Variants in LAMA2 observed in about 807,000 individuals in gnomAD.
The protein encoded by LAMA2 is laminin subunit alpha 2.
A neutral mutation model predicts 364.8 loss-of-function variants in LAMA2; 269 were observed. The observed-to-expected ratio is 0.74, with a 90% CI of 0.67 to 0.82. The LOEUF (loss-of-function observed/expected upper bound fraction) is 0.82. Among genes scored for constraint, LAMA2 ranks in the 40% least tolerant of loss-of-function variants. The pLI, the probability that LAMA2 is intolerant of heterozygous loss-of-function variation, is 0.00. For synonymous variants in LAMA2, 1,379 were observed against 1,370.6 expected, an observed-to-expected ratio of 1.01 and a Z score of -0.14; for missense variants, 3,807 against 3,873.2, an observed-to-expected ratio of 0.98 and a Z score of 0.45.
chr6:128,909,770 T>G (rs1402607601), intron 1 of LAMA2, among the ~76,000 whole-genome samples: 7 of 151,744 alleles, frequency 4.6e-5, no homozygotes, highest in Middle Eastern at 3.4e-3. Flanking sequence ...TGCAGTGGCT[T>G]GTACTGGTTG....
At chr6:129,078,881 G>C (rs1368543433) in intron 3 of LAMA2, among the ~76,000 whole-genome samples, 1 of 152,086 alleles carries the variant, frequency 6.6e-6, no homozygotes, top group African/African-American at 2.4e-5. Context: ...CATATAAGTG[G>C]AACCACACAG....
chr6:128,943,702 C>A (rs867432124), intron 1 of LAMA2, among the ~76,000 whole-genome samples: 4 of 152,208 alleles, frequency 2.6e-5, no homozygotes, highest in African/African-American at 9.6e-5. Context: ...AAAAAGAAAT[C>A]ATCAAATGCT....
At chr6:129,165,869 A>G (rs1779715456) in intron 9 of LAMA2, among the ~76,000 whole-genome samples, 194 bp downstream of exon 9, 1 of 152,228 alleles carries the variant, frequency 6.6e-6, no homozygotes, top group African/African-American at 2.4e-5. Flanking sequence ...ATGTTTAATT[A>G]TAATGTTTTC....
intron 42 of LAMA2, among the ~76,000 whole-genome samples, chr6:129,440,361 A>G (rs576816514): frequency 3.8e-4 from 57 of 150,596 alleles, no homozygotes; most frequent in African/African-American, 1.4e-3. Context: ...GCTGAAAACA[A>G]GTATAAATGC....
At chr6:129,324,465 A>C (rs1225491556) in intron 28 of LAMA2, among the ~76,000 whole-genome samples, 1 of 152,222 alleles carries the variant, frequency 6.6e-6, no homozygotes. Flanking sequence ...TCAAACCTCA[A>C]TGAATCTGTT....
chr6:129,217,932 A>G (rs1037911236), intron 12 of LAMA2, among the ~76,000 whole-genome samples: 1 of 152,198 alleles, frequency 6.6e-6, no homozygotes, highest in Non-Finnish European at 1.5e-5. Flanking sequence ...TTTGAGAAAA[A>G]TAAACTTGGG....
chr6:129,078,223 C>G (rs1256162664), intron 3 of LAMA2, among the ~76,000 whole-genome samples: 2 of 151,910 alleles, frequency 1.3e-5, no homozygotes, highest in Non-Finnish European at 2.9e-5. Flanking sequence ...CAGCCTCCGC[C>G]TCTAGCATTC....
intron 1 of LAMA2, among the ~76,000 whole-genome samples, chr6:128,890,540 A>AACACACACACAC (rs1386267508): frequency 1.7e-5 from 2 of 120,814 alleles, no homozygotes; most frequent in African/African-American, 8.8e-5. Flanking sequence ...TTTTCATTTA[A>AACACACACACAC]ATACACACAC....
rs373033392 is a variant in LAMA2, at chr6:129,106,861, C to CAA, written c.639+8460_639+8461dup. 1.8e-4 allele frequency among the ~76,000 whole-genome samples: 24 copies of CAA among 132,238 alleles called. No homozygotes were observed. In the East Asian group the frequency reaches 2.5e-3, roughly 14 times the overall value. The allele number at this position is 132,238 out of a possible 152,430, so 86.8% of individuals were successfully genotyped here. On this transcript the variant is annotated intron_variant, in intron 4 of 64. Coordinates refer to ENST00000421865, the MANE Select transcript of LAMA2 (RefSeq NM_000426.4). ...CAGTTACTAGACTCCCTTACTCCTC[C>CAA]AAAAAAAAAAAAAAATATATATATA... is the stretch of plus-strand genomic sequence containing the variant.
chr6:129,016,567 A>G (rs1785085087), intron 1 of LAMA2, among the ~76,000 whole-genome samples: 5 of 151,990 alleles, frequency 3.3e-5, no homozygotes, highest in Admixed American at 3.3e-4. Flanking sequence ...TAAGGAAAAG[A>G]AATTAGACAT....
In LAMA2 at chr6:129,154,562, G is replaced by T. The variant is rs182958473; in HGVS notation, c.1085G>T (p.Arg362Ile). 107 of 1,614,036 alleles carry T rather than the reference G, an allele frequency of 6.6e-5. 1 individual carries two copies. In the East Asian group the frequency reaches 1.4e-3, roughly 21 times the overall value. Residue 362 changes from arginine (R) to isoleucine (I), a missense_variant, in exon 8 of 65, where the codon AGA becomes ATA. Coordinates refer to ENST00000421865, the MANE Select transcript of LAMA2 (RefSeq NM_000426.4). ...TATTATGATGAAAATGTTGCCAGAA[G>T]AAATCTGAGTTTGAATATACGTGGA... is the stretch of plus-strand genomic sequence containing the variant. ...ECYYDENVAR[R>I]NLSLNIRGKY...
At chr6:129,503,865 AC>A (rs1013160461) in intron 60 of LAMA2, among the ~76,000 whole-genome samples, 1 of 152,212 alleles carries the variant, frequency 6.6e-6, no homozygotes, top group Non-Finnish European at 1.5e-5. Context: ...ATTTGGAACA[AC>A]TTTAAAAACG....
chr6:128,906,970 G>C lies in LAMA2; in HGVS notation c.112+23613G>C, dbSNP rs1280251737. Among the ~76,000 whole-genome samples the C allele has an allele frequency of 1.4e-3, 208 of 151,182 alleles. 1 individual carries two copies. Among genetic ancestry groups the C allele is most frequent in the African/African-American group, 4.6e-3 (190 of 41,126 alleles). On this transcript the variant is annotated intron_variant, in intron 1 of 64. Coordinates refer to ENST00000421865, the MANE Select transcript of LAMA2 (RefSeq NM_000426.4). The stretch of plus-strand genomic sequence containing the variant: ...TAGATATGCAGTGTTATTTCTGAGG[G>C]CTCTGTTCTGTTCCATTGATCTATA...
Position 129,445,774 on chromosome 6 carries a change from T to C in LAMA2, c.6382T>C (p.Ser2128Pro). The change falls in exon 45 of 65, where the codon TCT (serine) becomes CCT (proline). Residue 2128 changes from serine (S) to proline (P), a missense_variant. Transcript: ENST00000421865. ...TGAGGATAACCTAAAGAAAAACATCTCTGAGATAAAGGAATTGATAAACCA... is the reference window on the plus strand; with the variant it reads ...TGAGGATAACCTAAAGAAAAACATCCCTGAGATAAAGGAATTGATAAACCA... The part of the protein sequence containing the change: ...ELEDNLKKNI[S>P]EIKELINQAR... 6.2e-7 allele frequency: 1 copy of C among 1,613,770 alleles called. No individual in the cohort carries two copies. Among genetic ancestry groups the C allele is most frequent in the Non-Finnish European group, 8.5e-7 (1 of 1,179,772 alleles).
chr6:129,066,038 G>GTTTTTTGTTTTTTTTTTTTTTTTTTT (rs1789282425), intron 3 of LAMA2, among the ~76,000 whole-genome samples: 1 of 37,116 alleles, frequency 2.7e-5, no homozygotes, highest in African/African-American at 8.6e-5. Flanking sequence ...CCAGTCTCAG[G>GTTTTTTGTTTTTTTTTTTTTTTTTTT]TTTTTTTTTT....
intron 22 of LAMA2, among the ~76,000 whole-genome samples, chr6:129,311,406 C>G (rs903009480): frequency 1.3e-5 from 2 of 152,200 alleles, no homozygotes; most frequent in African/African-American, 4.8e-5. Flanking sequence ...CAGGCATGAG[C>G]CACCGCGCCC....
intron 12 of LAMA2, among the ~76,000 whole-genome samples, chr6:129,208,550 G>GAGAA (rs57666672): frequency 0.15 from 19,881 of 128,698 alleles, 1,783 homozygotes; most frequent in African/African-American, 0.33. Context: ...AGAAAAGGAA[G>GAGAA]AGAAAGAAAG....
intron 6 of LAMA2, 110 bp downstream of exon 6, chr6:129,147,158 TAGAC>T (rs745758098): frequency 1.1e-4 from 82 of 769,960 alleles, no homozygotes; most frequent in Non-Finnish European, 1.8e-4. Flanking sequence ...GGTCCCCACT[TAGAC>T]AGTGTAACAG....
At chr6:129,300,013 A>G (rs1490493992) in intron 21 of LAMA2, among the ~76,000 whole-genome samples, 1 of 152,186 alleles carries the variant, frequency 6.6e-6, no homozygotes, top group Non-Finnish European at 1.5e-5. Context: ...TGTGGCATGC[A>G]TTCCTTGTCT....
Sources: allele counts gnomAD v4.1 joint callset (sites outside exome capture counted in the v4.1 genomes callset), GRCh38; gene constraint gnomAD v4.1.1; transcripts MANE v1.5; gene names NCBI Gene and HGNC (gene_info 2026-07-23, HGNC 2026-07-21).